CFAP299: variants seen among roughly 807,000 people sequenced by gnomAD.
The protein encoded by CFAP299 is cilia and flagella associated protein 299.
In CFAP299, 21 loss-of-function variants were observed where a neutral mutation model predicts 27.0. The ratio of observed to expected loss-of-function variants is 0.78; its 90% CI spans 0.55 to 1.12. CFAP299 has a LOEUF of 1.12. CFAP299 is among the 50% of genes most tolerant of loss of function. The pLI is 0.00. For missense variants in CFAP299, 310 were observed against 276.6 expected (o/e 1.12, Z -0.86); for synonymous variants, 104 against 98.1 (o/e 1.06, Z -0.36).
chr4:80,924,022 G>C (rs1335280407), intron 4 of CFAP299, among the ~76,000 whole-genome samples: 1 of 151,950 alleles, frequency 6.6e-6, no homozygotes, highest in Non-Finnish European at 1.5e-5. Flanking sequence ...GAGTTTGCAG[G>C]AAGGGAGAGA....
chr4:80,535,430 G>A (rs950940650), intron 2 of CFAP299, among the ~76,000 whole-genome samples: 9 of 78,312 alleles, frequency 1.1e-4, no homozygotes, highest in African/African-American at 1.9e-4. Context: ...GGGAGGCGGA[G>A]CTTGCAGTGA....
chr4:80,474,290 G>T (rs952812491), intron 2 of CFAP299, among the ~76,000 whole-genome samples: 6 of 151,998 alleles, frequency 3.9e-5, no homozygotes, highest in Non-Finnish European at 7.4e-5. Flanking sequence ...TGGAAATAAA[G>T]TAATTTATAA....
At chr4:80,900,123 A>AGTGTGTGTGTGTGTGTGTGTGTGTGTGT (rs3038537) in intron 4 of CFAP299, among the ~76,000 whole-genome samples, 4 of 139,794 alleles carry the variant, frequency 2.9e-5, no homozygotes, top group Non-Finnish European at 4.6e-5. Context: ...AGTGGAAGAA[A>AGTGTGTGTGTGTGTGTGTGTGTGTGTGT]GTGTGTGTGT....
At chr4:80,814,223 A>T (rs1578149771) in intron 3 of CFAP299, among the ~76,000 whole-genome samples, 1 of 152,212 alleles carries the variant, frequency 6.6e-6, no homozygotes. Flanking sequence ...TCCCTAAAAC[A>T]AATGAGCTAA....
intron 3 of CFAP299, among the ~76,000 whole-genome samples, chr4:80,725,678 C>T (rs1334215773): frequency 6.6e-6 from 1 of 152,214 alleles, no homozygotes; most frequent in East Asian, 1.9e-4. Flanking sequence ...GTACAAATCT[C>T]ATTGCTAGCC....
chr4:80,871,233 T>C, intron 4 of CFAP299: 1 of 985,448 alleles, frequency 1.0e-6, no homozygotes, highest in African/African-American at 1.7e-5. Flanking sequence ...TGGACTTAGC[T>C]CTTTCCTGTC....
intron 3 of CFAP299, among the ~76,000 whole-genome samples, chr4:80,815,173 T>C (rs964106166): frequency 6.6e-6 from 1 of 151,554 alleles, no homozygotes; most frequent in Non-Finnish European, 1.5e-5. Context: ...AGCCAGAATA[T>C]AAAAGATGAA....
intron 3 of CFAP299, among the ~76,000 whole-genome samples, chr4:80,806,387 G>A (rs1217451665): frequency 6.6e-6 from 1 of 152,172 alleles, no homozygotes; most frequent in Non-Finnish European, 1.5e-5. Context: ...AGTTGTGAAG[G>A]TGTACTTGGA....
chr4:80,676,967 CT>C (rs1379847172), intron 3 of CFAP299, among the ~76,000 whole-genome samples: 2 of 151,826 alleles, frequency 1.3e-5, no homozygotes, highest in Non-Finnish European at 2.9e-5. Context: ...AAGTTTATTA[CT>C]TTTTTCCTTC....
At chr4:80,697,598 A>G (rs1334083821) in intron 3 of CFAP299, among the ~76,000 whole-genome samples, 1 of 152,250 alleles carries the variant, frequency 6.6e-6, no homozygotes, top group Non-Finnish European at 1.5e-5. Context: ...GCTAAGCCTT[A>G]GCAGGTGATG....
chr4:80,913,197 A>G (rs929675684), intron 4 of CFAP299, among the ~76,000 whole-genome samples: 12 of 152,184 alleles, frequency 7.9e-5, no homozygotes, highest in African/African-American at 2.9e-4. Context: ...AGAAAATAGT[A>G]TTTGACAGTG....
At chr4:80,896,139 A>G (rs1302730834) in intron 4 of CFAP299, among the ~76,000 whole-genome samples, 1 of 152,108 alleles carries the variant, frequency 6.6e-6, no homozygotes, top group Non-Finnish European at 1.5e-5. Flanking sequence ...GCTCTCTTAC[A>G]TGTGCTTACC....
In CFAP299 at chr4:80,504,494, TATATATATATA is replaced by T. The variant is rs1560598353; in HGVS notation, c.243-78598_243-78588del. Reference sequence around the variant, plus strand: ...ATATATATATATATATATATATATATATATATATATATTTTCCTTTGAAAGAATGCAATGAA... The same window carrying T: ...ATATATATATATATATATATATATATTTTTCCTTTGAAAGAATGCAATGAA... On this transcript the variant is annotated intron_variant, in intron 2 of 5. Transcript: ENST00000358105. 4.8e-3 allele frequency among the ~76,000 whole-genome samples: 632 copies of T among 132,380 alleles called. 8 individuals are homozygous for T. The highest frequency in any genetic ancestry group is 8.2e-3 in the Non-Finnish European group (502 of 61,094). 86.8% of individuals were successfully genotyped at this position (132,380 alleles called of 152,430 possible).
chr4:80,942,082 T>C (rs1737224262), intron 4 of CFAP299, among the ~76,000 whole-genome samples: 1 of 152,326 alleles, frequency 6.6e-6, no homozygotes, highest in Admixed American at 6.5e-5. Flanking sequence ...TGGATGGTTT[T>C]TGATGGGCCC....
chr4:80,893,382 T>C (rs1476782613), intron 4 of CFAP299, among the ~76,000 whole-genome samples: 1 of 151,904 alleles, frequency 6.6e-6, no homozygotes, highest in African/African-American at 2.4e-5. Flanking sequence ...ATCCTAAAAT[T>C]CATACAGAAC....
intron 2 of CFAP299, among the ~76,000 whole-genome samples, chr4:80,507,463 G>A (rs1732091107): frequency 6.6e-6 from 1 of 152,150 alleles, no homozygotes; most frequent in Non-Finnish European, 1.5e-5. Context: ...TTTTCAAAGT[G>A]ATACATTTGG....
At chr4:80,848,257 T>A (rs1218049527) in intron 3 of CFAP299, among the ~76,000 whole-genome samples, 1 of 151,894 alleles carries the variant, frequency 6.6e-6, no homozygotes, top group Non-Finnish European at 1.5e-5. Flanking sequence ...CTGTCCAGAC[T>A]ACAAGAACCT....
chr4:80,933,157 T>G (rs373108815), intron 4 of CFAP299, among the ~76,000 whole-genome samples: 2 of 149,912 alleles, frequency 1.3e-5, no homozygotes, highest in Non-Finnish European at 3.0e-5. Flanking sequence ...CTTTTCTTTC[T>G]TTCCTTTCCT....
intron 3 of CFAP299, among the ~76,000 whole-genome samples, chr4:80,675,836 C>T (rs1220563881): frequency 6.6e-6 from 1 of 152,234 alleles, no homozygotes; most frequent in Non-Finnish European, 1.5e-5. Context: ...GGGTGTGGGA[C>T]CTGCTGAGGC....
Sources: gnomAD v4.1 joint callset for allele counts (sites outside exome capture counted in the v4.1 genomes callset) on GRCh38, gnomAD v4.1.1 for gene constraint, MANE v1.5 for transcripts, NCBI Gene and HGNC (gene_info 2026-07-23, HGNC 2026-07-21) for gene names.